Variants in COL25A1 observed in about 807,000 individuals in gnomAD.
COL25A1 encodes collagen type XXV alpha 1 chain.
A neutral mutation model predicts 128.4 loss-of-function variants in COL25A1; 103 were observed. The observed-to-expected ratio is 0.80, with a 90% CI of 0.68 to 0.94. The LOEUF (loss-of-function observed/expected upper bound fraction) is 0.94, where lower values mean the gene tolerates loss of function less well. Among genes scored for constraint, COL25A1 ranks in the 40% least tolerant of loss-of-function variants. COL25A1 has a pLI of 0.00. For synonymous variants in COL25A1, 279 were observed against 277.2 expected (o/e 1.01, Z -0.06); for missense variants, 745 against 840.0 (o/e 0.89, Z 1.40).
chr4:109,225,719 C>A (rs961144910), intron 3 of COL25A1, among the ~76,000 whole-genome samples: 3 of 151,984 alleles, frequency 2.0e-5, no homozygotes, highest in African/African-American at 4.8e-5. Flanking sequence ...TGGATGACTG[C>A]ATAAAGAAAC....
At chr4:109,010,024 G>C (rs1000097385) in intron 6 of COL25A1, among the ~76,000 whole-genome samples, 1 of 152,188 alleles carries the variant, frequency 6.6e-6, no homozygotes, top group African/African-American at 2.4e-5. Context: ...ATTAGTACAT[G>C]ATTAATCAGT....
intron 3 of COL25A1, among the ~76,000 whole-genome samples, chr4:109,076,149 G>A (rs1168177746): frequency 6.6e-6 from 1 of 152,108 alleles, no homozygotes; most frequent in Non-Finnish European, 1.5e-5. Flanking sequence ...TCAGAAACTT[G>A]AGCATCCATG....
intron 30 of COL25A1, among the ~76,000 whole-genome samples, chr4:108,842,714 T>G (rs765429665): frequency 6.6e-6 from 1 of 152,218 alleles, no homozygotes; most frequent in Non-Finnish European, 1.5e-5. Flanking sequence ...AAAATTCCTC[T>G]AAACTAATTA....
chr4:109,189,095 A>C (rs1407345697), intron 3 of COL25A1, among the ~76,000 whole-genome samples: 2 of 152,136 alleles, frequency 1.3e-5, no homozygotes. Context: ...TATCATGTAT[A>C]ATTCTCTTAC....
chr4:109,178,153 A>G (rs552465771), intron 3 of COL25A1, among the ~76,000 whole-genome samples: 1 of 152,322 alleles, frequency 6.6e-6, no homozygotes, highest in Admixed American at 6.5e-5. Flanking sequence ...GGCCCCTCCT[A>G]TATACATCCT....
chr4:108,905,983 T>C (rs1743460091), intron 13 of COL25A1, among the ~76,000 whole-genome samples: 1 of 152,108 alleles, frequency 6.6e-6, no homozygotes, highest in Non-Finnish European at 1.5e-5. Context: ...CTCTGTACTG[T>C]CTGTACGGTA....
At position 108,928,409 on chromosome 4, in the gene COL25A1, T is replaced by C. The variant is rs867793049; in HGVS notation, c.709-7805A>G. The stretch of plus-strand genomic sequence containing the variant: ...TCTTTAATGACAGAAACATTCTATA[T>C]TGGTCAATCCAGTAGGATAGCCACC... On this transcript the variant is annotated intron_variant, in intron 11 of 37. Coordinates refer to ENST00000399132, the MANE Select transcript of COL25A1 (RefSeq NM_198721.4). Among the ~76,000 whole-genome samples the C allele has an allele frequency of 4.5e-4, 69 of 152,346 alleles. 1 individual carries two copies. The highest frequency in any genetic ancestry group is 1.6e-3 in the African/African-American group (67 of 41,580).
intron 11 of COL25A1, among the ~76,000 whole-genome samples, chr4:108,934,095 C>A (rs1160211611): frequency 6.6e-6 from 1 of 152,094 alleles, no homozygotes; most frequent in Non-Finnish European, 1.5e-5. Flanking sequence ...AAATATCCAT[C>A]AATGATAGAC....
At chr4:109,180,747 G>C (rs4956252) in intron 3 of COL25A1, among the ~76,000 whole-genome samples, 75,146 of 151,496 alleles carry the variant, frequency 0.5, 21,341 homozygotes, top group Non-Finnish European at 0.65. Context: ...CTTGAAGGAA[G>C]AGTCCATTGA....
chr4:108,840,679 T>A (rs1291281567), intron 31 of COL25A1, among the ~76,000 whole-genome samples: 1 of 152,184 alleles, frequency 6.6e-6, no homozygotes, highest in African/African-American at 2.4e-5. Context: ...CCTCCCTTCC[T>A]GTTAGTTGCA....
intron 6 of COL25A1, among the ~76,000 whole-genome samples, chr4:108,996,598 A>C (rs2126021670): frequency 6.6e-6 from 1 of 152,338 alleles, no homozygotes; most frequent in African/African-American, 2.4e-5. Context: ...CCAGGACGTG[A>C]ACTCAGCTCT....
chr4:108,918,128 G>A (rs368951991), intron 13 of COL25A1, 44 bp downstream of exon 13: 269 of 1,279,492 alleles, frequency 2.1e-4, no homozygotes, highest in Non-Finnish European at 2.8e-4. Flanking sequence ...TGATTTCAAT[G>A]CTCACCAAAT....
chr4:108,938,580 AC>A (rs1327820413), intron 10 of COL25A1, among the ~76,000 whole-genome samples: 1 of 152,078 alleles, frequency 6.6e-6, no homozygotes, highest in Non-Finnish European at 1.5e-5. Context: ...CACAGCAAAG[AC>A]CTCATTGCAC....
intron 3 of COL25A1, among the ~76,000 whole-genome samples, chr4:109,263,308 A>C (rs1781571854): frequency 6.6e-6 from 1 of 152,178 alleles, no homozygotes; most frequent in Non-Finnish European, 1.5e-5. Context: ...TCAGTACTAA[A>C]CTGATTTTTA....
At chr4:109,041,230 G>A (rs2125927551) in intron 5 of COL25A1, among the ~76,000 whole-genome samples, 1 of 152,114 alleles carries the variant, frequency 6.6e-6, no homozygotes, top group African/African-American at 2.4e-5. Context: ...GGTGCCTAAA[G>A]ATTTGAGAAA....
At chr4:109,247,657 T>C (rs1780363615) in intron 3 of COL25A1, among the ~76,000 whole-genome samples, 1 of 152,102 alleles carries the variant, frequency 6.6e-6, no homozygotes, top group African/African-American at 2.4e-5. Context: ...AGGAGGAGCA[T>C]ATTTAGCAGA....
chr4:108,907,049 G>A (rs1388340796), intron 13 of COL25A1, among the ~76,000 whole-genome samples: 1 of 152,166 alleles, frequency 6.6e-6, no homozygotes, highest in African/African-American at 2.4e-5. Flanking sequence ...AAAAGAGAAG[G>A]GAGCAAGGAA....
At chr4:108,816,430 A>C (rs925431575) in intron 37 of COL25A1, among the ~76,000 whole-genome samples, 6 of 152,212 alleles carry the variant, frequency 3.9e-5, no homozygotes, top group African/African-American at 4.8e-5. Context: ...AAAAAATTTC[A>C]AAATGATTGA....
intron 35 of COL25A1, among the ~76,000 whole-genome samples, chr4:108,820,936 T>C (rs1731715394): frequency 6.6e-6 from 1 of 152,208 alleles, no homozygotes; most frequent in African/African-American, 2.4e-5. Context: ...AGCTGTTTTA[T>C]ATTAACATCA....
Sources: gnomAD v4.1 joint callset for allele counts (sites outside exome capture counted in the v4.1 genomes callset) on GRCh38, gnomAD v4.1.1 for gene constraint, MANE v1.5 for transcripts, NCBI Gene and HGNC (gene_info 2026-07-23, HGNC 2026-07-21) for gene names.